Variants in NSMCE2 observed in about 807,000 individuals in gnomAD.
The protein encoded by NSMCE2 is NSE2 SUMO ligase component of SMC5/6 complex, also known as E3 SUMO-protein ligase NSE2.
NSMCE2 carries 24 observed loss-of-function variants against 23.8 expected under a neutral mutation model. The ratio of observed to expected loss-of-function variants is 1.01; its 90% CI spans 0.73 to 1.42. NSMCE2 has a LOEUF of 1.42. NSMCE2 is among the 40% of genes most tolerant of loss of function. The pLI, the probability that NSMCE2 is intolerant of heterozygous loss-of-function variation, is 0.00. For missense variants in NSMCE2, 284 were observed against 296.5 expected, an observed-to-expected ratio of 0.96 and a Z score of 0.31; for synonymous variants, 92 against 94.1, an observed-to-expected ratio of 0.98 and a Z score of 0.13.
intron 5 of NSMCE2, among the ~76,000 whole-genome samples, chr8:125,311,938 C>T (rs568917745): frequency 1.3e-5 from 2 of 151,844 alleles, no homozygotes; most frequent in African/African-American, 4.8e-5. Context: ...CATGGTGGCG[C>T]ATGCCTGTAA....
At chr8:125,175,492 T>G (rs1295350816) in intron 4 of NSMCE2, among the ~76,000 whole-genome samples, 1 of 152,234 alleles carries the variant, frequency 6.6e-6, no homozygotes, top group Non-Finnish European at 1.5e-5. Flanking sequence ...CTGTGTCATT[T>G]CCTAAATGTA....
chr8:125,117,528 ACCTTTTT>A (rs1819066502), intron 3 of NSMCE2, among the ~76,000 whole-genome samples: 1 of 150,976 alleles, frequency 6.6e-6, no homozygotes, highest in African/African-American at 2.4e-5. Flanking sequence ...TTGCATTTAT[ACCTTTTT>A]TATTTTTATT....
chr8:125,144,516 G>A (rs1347669232), intron 3 of NSMCE2, among the ~76,000 whole-genome samples: 1 of 152,206 alleles, frequency 6.6e-6, no homozygotes, highest in African/African-American at 2.4e-5. Context: ...ATAAGCTCAT[G>A]AGTCCATGCT....
chr8:125,365,224 T>A (rs1157886956), intron 7 of NSMCE2, among the ~76,000 whole-genome samples: 1 of 152,132 alleles, frequency 6.6e-6, no homozygotes, highest in African/African-American at 2.4e-5. Context: ...TTTTGCCCCA[T>A]CGTTTCCCAC....
chr8:125,262,651 T>A (rs1257051058), intron 5 of NSMCE2, among the ~76,000 whole-genome samples: 1 of 152,196 alleles, frequency 6.6e-6, no homozygotes, highest in Non-Finnish European at 1.5e-5. Context: ...TGCTTTTAGC[T>A]CCACAATCTG....
chr8:125,099,607 C>G (rs1169835567), intron 1 of NSMCE2, among the ~76,000 whole-genome samples: 1 of 152,100 alleles, frequency 6.6e-6, no homozygotes, highest in Non-Finnish European at 1.5e-5. Context: ...AACTGTGTTG[C>G]ATACTGCTGG....
intron 5 of NSMCE2, among the ~76,000 whole-genome samples, chr8:125,183,121 A>T (rs1430787696): frequency 1.3e-5 from 2 of 152,114 alleles, no homozygotes; most frequent in Non-Finnish European, 2.9e-5. Flanking sequence ...TTACACACAC[A>T]TGGAGCAGGA....
chr8:125,316,972 G>A (rs544190162), intron 5 of NSMCE2, among the ~76,000 whole-genome samples: 32 of 150,978 alleles, frequency 2.1e-4, no homozygotes, highest in Non-Finnish European at 4.6e-4. Flanking sequence ...TTTTTTTTAA[G>A]AGATGGGGTT....
rs200273856 is a variant in NSMCE2 at position 125,116,449 on chromosome 8, GACT to G, written c.157+13963_157+13965del. On this transcript the variant is annotated intron_variant, in intron 3 of 7. Transcript: ENST00000287437. ...CATTTTACTTGACCCAGCTTTCTGT[GACT>G]TATTTTTACTAACTTATTTCTGTGT... Among the ~76,000 whole-genome samples the G allele has an allele frequency of 7.7e-4, 117 of 152,238 alleles. 1 individual carries two copies. In the East Asian group the frequency reaches 0.02, roughly 27 times the overall value.
At chr8:125,124,362 A>G (rs1311524627) in intron 3 of NSMCE2, 1 of 152,234 alleles carries the variant, frequency 6.6e-6, no homozygotes, top group African/African-American at 2.4e-5. Context: ...TTGCAAGTGT[A>G]TAAAAATACA....
At position 125,091,926 on chromosome 8, in the gene NSMCE2, G is replaced by A. The variant is rs1041319822; in HGVS notation, c.-143G>A. On this transcript the variant is annotated 5_prime_UTR_variant, in exon 1 of 8. In the 5' UTR this introduces an upstream ATG that the reference lacks. Coordinates refer to ENST00000287437, the MANE Select transcript of NSMCE2 (RefSeq NM_173685.4). ...GTGGGTCTAGGCAGGGGAAATTGGGGTGCCACCAGACGGAGACAGCTTGGA... is the reference window on the plus strand; with the variant it reads ...GTGGGTCTAGGCAGGGGAAATTGGGATGCCACCAGACGGAGACAGCTTGGA... The A allele has an allele frequency of 1.4e-4, 21 of 152,464 alleles. No individual in the cohort carries two copies. Among genetic ancestry groups the A allele is most frequent in the African/African-American group, 5.1e-4 (21 of 41,468 alleles). The allele number at this position is 152,464 out of a possible 1,614,324, so 9.4% of individuals were successfully genotyped here.
chr8:125,187,954 C>T (rs12542820), intron 5 of NSMCE2, among the ~76,000 whole-genome samples: 74,053 of 152,002 alleles, frequency 0.49, 22,345 homozygotes, highest in African/African-American at 0.86. Flanking sequence ...GTCACTGTTA[C>T]ATATAGAATA....
chr8:125,218,671 C>CA (rs1171582040), intron 5 of NSMCE2, among the ~76,000 whole-genome samples: 1 of 152,094 alleles, frequency 6.6e-6, no homozygotes, highest in Non-Finnish European at 1.5e-5. Context: ...CTCAGCCTTC[C>CA]AAAGTGCTAG....
At chr8:125,267,002 TC>T (rs1186175640) in intron 5 of NSMCE2, among the ~76,000 whole-genome samples, 2 of 105,704 alleles carry the variant, frequency 1.9e-5, no homozygotes, top group Non-Finnish European at 4.4e-5. Context: ...CTTTTTTCTT[TC>T]TTTTTTTTTT....
chr8:125,333,601 G>T lies in NSMCE2; in HGVS notation c.419-23618G>T, dbSNP rs542102377. Among the ~76,000 whole-genome samples, 445 of 123,804 alleles carry T rather than the reference G, an allele frequency of 3.6e-3. 3 individuals are homozygous for T. In the Admixed American group the frequency reaches 0.038, roughly 11 times the overall value. The allele number at this position is 123,804 out of a possible 152,430, so 81.2% of individuals were successfully genotyped here. A position where few individuals can be genotyped will look rare whatever the true frequency, so the allele number is the denominator to read the frequency against. On this transcript the variant is annotated intron_variant, in intron 5 of 7. Transcript: ENST00000287437. ...GCGATCTCGGCTCACTGCAAGCTCC[G>T]CCTCCCGGGTTCACGCCATTCTCCT...
chr8:125,233,004 T>A (rs558379132), intron 5 of NSMCE2, among the ~76,000 whole-genome samples: 43 of 152,360 alleles, frequency 2.8e-4, no homozygotes, highest in African/African-American at 1.0e-3. Context: ...TAACTAGTTC[T>A]GGAGGCTTAG....
intron 3 of NSMCE2, among the ~76,000 whole-genome samples, chr8:125,141,660 C>T (rs1318928736): frequency 2.6e-5 from 4 of 152,154 alleles, no homozygotes; most frequent in South Asian, 2.1e-4. Context: ...TCTCTTCATT[C>T]CCAAGTGTTT....
At chr8:125,222,854 G>A (rs1439689827) in intron 5 of NSMCE2, among the ~76,000 whole-genome samples, 4 of 151,792 alleles carry the variant, frequency 2.6e-5, no homozygotes, top group Admixed American at 6.6e-5. Flanking sequence ...CTTGAGCTCC[G>A]GAGTTCAAGA....
intron 5 of NSMCE2, among the ~76,000 whole-genome samples, chr8:125,317,138 A>T (rs539107099): frequency 6.6e-6 from 1 of 151,710 alleles, no homozygotes; most frequent in South Asian, 2.1e-4. Context: ...TACCCTCAAG[A>T]TGAGTCCATC....
Sources: gnomAD v4.1 joint callset for allele counts (sites outside exome capture counted in the v4.1 genomes callset) on GRCh38, gnomAD v4.1.1 for gene constraint, MANE v1.5 for transcripts, NCBI Gene and HGNC (gene_info 2026-07-23, HGNC 2026-07-21) for gene names.